CLTCL1: variants seen among roughly 807,000 people sequenced by gnomAD.
CLTCL1 encodes clathrin heavy chain like 1.
Under a neutral mutation model 190.0 loss-of-function variants are expected in CLTCL1, and 159 were observed. The ratio of observed to expected loss-of-function variants is 0.84; its 90% CI spans 0.74 to 0.95. The LOEUF is 0.95. Ranked by LOEUF, CLTCL1 falls within the 40% of genes least tolerant of loss-of-function variation. The pLI, the probability that CLTCL1 is intolerant of heterozygous loss-of-function variation, is 0.00. For missense variants in CLTCL1, 1,878 were observed against 2,033.4 expected, an observed-to-expected ratio of 0.92 and a Z score of 1.47; for synonymous variants, 752 against 769.6, an observed-to-expected ratio of 0.98 and a Z score of 0.38.
intron 20 of CLTCL1, among the ~76,000 whole-genome samples, chr22:19,209,835 G>A (rs1555945416): frequency 6.6e-6 from 1 of 152,196 alleles, no homozygotes; most frequent in African/African-American, 2.4e-5. Flanking sequence ...TAAAGAAGAA[G>A]AGTTCTTGAG....
chr22:19,287,047 G>A (rs1053505770), intron 1 of CLTCL1, among the ~76,000 whole-genome samples: 7 of 152,120 alleles, frequency 4.6e-5, no homozygotes, highest in African/African-American at 1.7e-4. Context: ...GATATAGCTG[G>A]GGGGAATTAC....
At chr22:19,192,807 T>C (rs1601460968) in intron 26 of CLTCL1, among the ~76,000 whole-genome samples, 1 of 152,210 alleles carries the variant, frequency 6.6e-6, no homozygotes, top group African/African-American at 2.4e-5. Flanking sequence ...AACGGTGAAC[T>C]GGCCGCATCA....
rs561664001 is a variant in CLTCL1 at position 19,279,361 on chromosome 22, T to A, written c.43-3531A>T. ...CATATTAGCTAGGCTGGTCTCGAAC[T>A]CCTGACCTCAAGTAATTTGCCTGCC... is the stretch of plus-strand genomic sequence containing the variant. On this transcript the variant is annotated intron_variant, in intron 1 of 32. Transcript: ENST00000427926. Among the ~76,000 whole-genome samples the A allele has an allele frequency of 2.0e-5, 3 of 152,096 alleles. No homozygotes were observed. In the South Asian group the frequency reaches 6.2e-4, roughly 32 times the overall value.
In CLTCL1 at chr22:19,258,837, C is replaced by A. The variant is rs528472946; in HGVS notation, c.251-4610G>T. 4 of 604,368 alleles carry A rather than the reference C, an allele frequency of 6.6e-6. No individual in the cohort carries two copies. In the South Asian group the frequency reaches 7.0e-5, roughly 11 times the overall value. The allele number at this position is 604,368 out of a possible 1,614,324, so 37.4% of individuals were successfully genotyped here. A position where few individuals can be genotyped will look rare whatever the true frequency, so the allele number is the denominator to read the frequency against. On this transcript the variant is annotated intron_variant, in intron 2 of 32. Transcript: ENST00000427926. ...CAGAAGCAGGGTACCCTTTGGGGAG[C>A]AGGAGGCCAGTAAAAAGTTCACAGG...
intron 2 of CLTCL1, 45 bp downstream of exon 2, chr22:19,275,578 T>C: frequency 6.5e-7 from 1 of 1,532,194 alleles, no homozygotes; most frequent in East Asian, 2.4e-5. Context: ...AACAAAGCAG[T>C]TAAAATGAGG....
chr22:19,224,549 CATT>C (rs1555954627), intron 13 of CLTCL1, among the ~76,000 whole-genome samples: 35 of 152,182 alleles, frequency 2.3e-4, no homozygotes, highest in Admixed American at 2.0e-3. Flanking sequence ...TGTTCCTCAT[CATT>C]ACAGAGGCCA....
intron 30 of CLTCL1, chr22:19,183,084 C>A: frequency 2.8e-6 from 1 of 359,212 alleles, no homozygotes; most frequent in Non-Finnish European, 5.3e-6. Flanking sequence ...AAGTCCAGGG[C>A]TGGGGATGAG....
intron 2 of CLTCL1, among the ~76,000 whole-genome samples, chr22:19,256,291 G>A (rs2086747248): frequency 6.6e-6 from 1 of 150,842 alleles, no homozygotes; most frequent in Non-Finnish European, 1.5e-5. Flanking sequence ...TCAAGTAGTT[G>A]GGACTATAGG....
rs188780432 is a variant in CLTCL1 at position 19,290,871 on chromosome 22, A to T, written c.42+729T>A. On this transcript the variant is annotated intron_variant, in intron 1 of 32. Coordinates refer to ENST00000427926, the MANE Select transcript of CLTCL1 (RefSeq NM_007098.4). ...CAACGAATGGTAGTGTGATGATTTA[A>T]CACAGAGCACTCAGGGAGGAGCCGC... Among the ~76,000 whole-genome samples the T allele has an allele frequency of 3.9e-3, 597 of 152,298 alleles. 20 individuals carry two copies. The highest frequency in any genetic ancestry group is 0.037 in the Admixed American group (562 of 15,304).
At chr22:19,244,409 G>C (rs2086353926) in intron 3 of CLTCL1, among the ~76,000 whole-genome samples, 1 of 152,212 alleles carries the variant, frequency 6.6e-6, no homozygotes, top group Non-Finnish European at 1.5e-5. Context: ...ACAGAAAATA[G>C]ATTAGTGGTT....
intron 4 of CLTCL1, among the ~76,000 whole-genome samples, chr22:19,240,096 C>T (rs1286818196): frequency 6.6e-6 from 1 of 151,758 alleles, no homozygotes; most frequent in South Asian, 2.1e-4. Context: ...TTACAGATTA[C>T]AGATGCATGC....
intron 1 of CLTCL1, among the ~76,000 whole-genome samples, chr22:19,281,830 T>C (rs1336943024): frequency 2.0e-5 from 3 of 152,146 alleles, no homozygotes; most frequent in African/African-American, 4.8e-5. Context: ...AGTGGGTTCT[T>C]AAATAATAGT....
rs186101135 is a variant in CLTCL1, at chr22:19,194,024, C to T, written c.4191+2242G>A. On this transcript the variant is annotated intron_variant, in intron 26 of 32. Transcript: ENST00000427926. Reference sequence around the variant, plus strand: ...TTCCCTTATTTGGCCCCACCCACATCCTGCTGATTGGCCCATTTTACAGAG... The same window carrying T: ...TTCCCTTATTTGGCCCCACCCACATTCTGCTGATTGGCCCATTTTACAGAG... Among the ~76,000 whole-genome samples, 13 of 152,350 alleles carry T rather than the reference C, an allele frequency of 8.5e-5. No homozygotes were observed. The East Asian group carries it at 2.3e-3, about 27-fold the overall frequency.
intron 2 of CLTCL1, among the ~76,000 whole-genome samples, chr22:19,274,929 T>C (rs543816594): frequency 1.3e-5 from 2 of 152,170 alleles, no homozygotes; most frequent in African/African-American, 4.8e-5. Context: ...GGTTTCTCCA[T>C]GTTGGTCAGG....
intron 22 of CLTCL1, among the ~76,000 whole-genome samples, chr22:19,203,140 C>T (rs1555940860): frequency 6.6e-6 from 1 of 152,148 alleles, no homozygotes; most frequent in Non-Finnish European, 1.5e-5. Flanking sequence ...TATGGTGAAA[C>T]CCTGTCTCTA....
At chr22:19,208,710 G>C (rs2085126236) in intron 21 of CLTCL1, among the ~76,000 whole-genome samples, 2 of 151,818 alleles carry the variant, frequency 1.3e-5, no homozygotes, top group Non-Finnish European at 2.9e-5. Flanking sequence ...ACCTCATCTT[G>C]TAAAGGAGGG....
In CLTCL1 at chr22:19,188,088, C is replaced by T; in HGVS notation, c.4327G>A (p.Gly1443Ser). Residue 1443 changes from glycine (G) to serine (S), a missense_variant, in exon 28 of 33, where the codon GGT becomes AGT. Coordinates refer to ENST00000427926, the MANE Select transcript of CLTCL1 (RefSeq NM_007098.4). ...TAAGGCTTCACCAGGGGCAGCTGAC[C>T]TGCCTGACAAGTTGAGGGAACCGTC... ...TWTVSFFSKA[G>S]QLPLVKPYLR... 1 of 1,613,998 alleles carries T rather than the reference C, an allele frequency of 6.2e-7. No individual in the cohort carries two copies. The highest frequency in any genetic ancestry group is 8.5e-7 in the Non-Finnish European group (1 of 1,179,856).
At position 19,242,151 on chromosome 22, in the gene CLTCL1, C is replaced by T. The variant is rs139456824; in HGVS notation, c.681+624G>A. On this transcript the variant is annotated intron_variant, in intron 4 of 32. Transcript: ENST00000427926. The stretch of plus-strand genomic sequence containing the variant: ...AGAGATGGGGTTTCGCTGTATTGTC[C>T]AGGCTGGTGTAGAACTCCTGAGCTC... Among the ~76,000 whole-genome samples the T allele has an allele frequency of 2.2e-3, 338 of 152,058 alleles. 11 individuals carry two copies. In the East Asian group the frequency reaches 0.058, roughly 26 times the overall value.
chr22:19,246,490 T>C (rs1555968049), intron 3 of CLTCL1, among the ~76,000 whole-genome samples: 1 of 151,862 alleles, frequency 6.6e-6, no homozygotes, highest in Non-Finnish European at 1.5e-5. Context: ...CTTTTCTTTT[T>C]TTTGAGATGG....
Sources: gnomAD v4.1 joint callset for allele counts (sites outside exome capture counted in the v4.1 genomes callset) on GRCh38, gnomAD v4.1.1 for gene constraint, MANE v1.5 for transcripts, NCBI Gene and HGNC (gene_info 2026-07-23, HGNC 2026-07-21) for gene names.